AHNAK: variants seen among roughly 807,000 people sequenced by gnomAD.
AHNAK encodes AHNAK nucleoprotein.
AHNAK carries 23 observed loss-of-function variants against 37.8 expected under a neutral mutation model. The ratio of observed to expected loss-of-function variants is 0.61; its 90% CI spans 0.44 to 0.86. AHNAK has a LOEUF of 0.86. Among genes scored for constraint, AHNAK ranks in the 40% least tolerant of loss-of-function variants. AHNAK has a pLI of 0.00. For missense variants in AHNAK, 7,411 were observed against 7,319.4 expected (o/e 1.01, Z -0.46); for synonymous variants, 2,481 against 2,636.3 (o/e 0.94, Z 1.80).
intron 4 of AHNAK, among the ~76,000 whole-genome samples, chr11:62,498,242 G>A (rs1939648079): frequency 6.6e-6 from 1 of 152,118 alleles, no homozygotes; most frequent in Non-Finnish European, 1.5e-5. Context: ...TTAACATACA[G>A]ACTTGTCCAA....
rs147401497 is a variant in AHNAK, at chr11:62,530,103, T to G, written c.4314A>C (p.Lys1438Asn). 6.8e-4 allele frequency: 1,092 copies of G among 1,613,944 alleles called. 1 individual carries two copies. The highest frequency in any genetic ancestry group is 9.0e-4 in the Non-Finnish European group (1,058 of 1,179,984). Reference protein sequence around the residue: ...EGPDAKLKGPKFKMPEMSIKP... With the variant: ...EGPDAKLKGPNFKMPEMSIKP... ...TTATACTCATTTCTGGCATCTTGAA[T>G]TTGGGACCTTTTAGTTTTGCGTCTG... is the stretch of plus-strand genomic sequence containing the variant. The change falls in exon 5 of 5, where the codon AAA becomes AAC. Residue 1438 changes from lysine to asparagine, a missense_variant. Coordinates refer to ENST00000378024, the MANE Select transcript of AHNAK (RefSeq NM_001620.3).
rs114794940 is a variant in AHNAK, at chr11:62,453,009, C to A, written c.443-19118G>T. On this transcript the variant is annotated intron_variant, in intron 5 of 5. Transcript: ENST00000257247. ...CACTGCACTCCAGTGGGCAACAGAG[C>A]GAGACTCTGTTTCAACAAAAAAGGT... Among the ~76,000 whole-genome samples the A allele has an allele frequency of 3.6e-3, 547 of 152,054 alleles. 4 individuals are homozygous for A. The highest frequency in any genetic ancestry group is 0.012 in the African/African-American group (518 of 41,480).
rs145898432 is a variant in AHNAK at position 62,521,249 on chromosome 11, T to C, written c.13168A>G (p.Ile4390Val). 3 of 1,613,440 alleles carry C rather than the reference T, an allele frequency of 1.9e-6. No individual in the cohort carries two copies. Among genetic ancestry groups the C allele is most frequent in the Non-Finnish European group, 2.5e-6 (3 of 1,179,842 alleles). The change falls in exon 5 of 5, where the codon ATT (isoleucine) becomes GTT (valine). Residue 4390 changes from isoleucine to valine, a missense_variant. By Grantham distance (29) the Ile-to-Val change is conservative. Coordinates refer to ENST00000378024, the MANE Select transcript of AHNAK (RefSeq NM_001620.3). Reference protein sequence around the residue: ...IKAPKISMPDIDFNLKGPKVK... With the variant: ...IKAPKISMPDVDFNLKGPKVK... ...TTGGGACCCTTCAAGTTAAAGTCAA[T>C]GTCAGGCATGGAGATTTTGGGGGCC... is the stretch of plus-strand genomic sequence containing the variant.
At position 62,525,472 on chromosome 11, in the gene AHNAK, T is replaced by C; in HGVS notation, c.8945A>G (p.Asp2982Gly). Residue 2982 changes from aspartate to glycine, a missense_variant, in exon 5 of 5, where the codon GAT becomes GGT. Physicochemically the swap from Asp to Gly is moderately conservative, Grantham distance 94. Coordinates refer to ENST00000378024, the MANE Select transcript of AHNAK (RefSeq NM_001620.3). ...LKGPKVKGDVDISLPKVEGDL... is the reference protein window; with the variant it reads ...LKGPKVKGDVGISLPKVEGDL... ...ACCTTCCACTTTGGGCAGAGAAATA[T>C]CCACATCGCCCTTCACCTTGGGACC... 1 of 1,613,572 alleles carries C rather than the reference T, an allele frequency of 6.2e-7. No individual in the cohort carries two copies. Among genetic ancestry groups the C allele is most frequent in the Non-Finnish European group, 8.5e-7 (1 of 1,179,948 alleles).
rs1242582200 is a variant in AHNAK at position 62,531,680 on chromosome 11, C to T, written c.2737G>A (p.Val913Met). ...KADVDISGPK[V>M]GVEVPDVNIE... ...TTCACATCTGGAACTTCAACACCCA[C>T]CTTGGGTCCTGAGATGTCCACATCA... The change falls in exon 5 of 5, where the codon GTG becomes ATG. Residue 913 changes from valine to methionine, a missense_variant. Coordinates refer to ENST00000378024, the MANE Select transcript of AHNAK (RefSeq NM_001620.3). 1.2e-6 allele frequency: 2 copies of T among 1,614,140 alleles called. No individual in the cohort carries two copies. The highest frequency in any genetic ancestry group is 1.1e-5 in the South Asian group (1 of 91,086).
In AHNAK at chr11:62,524,779, T is replaced by C; in HGVS notation, c.9638A>G (p.Asn3213Ser). Reference sequence around the variant, plus strand: ...CATTGATATTTTAGGAGCTTTGATGTTCATCTCTGGCATCTTGAATTTAGG... The same window carrying C: ...CATTGATATTTTAGGAGCTTTGATGCTCATCTCTGGCATCTTGAATTTAGG... ...KGPKFKMPEM[N>S]IKAPKISMPD... The change falls in exon 5 of 5, where the codon AAC becomes AGC. Residue 3213 changes from asparagine to serine, a missense_variant. Physicochemically the swap from Asn to Ser is conservative, Grantham distance 46. Coordinates refer to ENST00000378024, the MANE Select transcript of AHNAK (RefSeq NM_001620.3). The C allele has an allele frequency of 6.2e-7, 1 of 1,614,178 alleles. No individual in the cohort carries two copies. Among genetic ancestry groups the C allele is most frequent in the Non-Finnish European group, 8.5e-7 (1 of 1,180,018 alleles).
chr11:62,541,920 G>GA (rs1432969792), intron 1 of AHNAK: 1 of 152,110 alleles, frequency 6.6e-6, no homozygotes, highest in East Asian at 1.9e-4. Context: ...GCTTGTTTAG[G>GA]AAAAAACATT....
chr11:62,491,669 G>A (rs1406876094), intron 5 of AHNAK: 5 of 1,475,232 alleles, frequency 3.4e-6, no homozygotes, highest in South Asian at 1.2e-5. Context: ...GCCCATCTGT[G>A]ATAAAGGGTA....
At position 62,516,891 on chromosome 11, in the gene AHNAK, A is replaced by G; in HGVS notation, c.17526T>C (p.Asp5842=). The change falls in exon 5 of 5, where the codon GAT becomes GAC. Residue 5842 remains aspartate (D), a synonymous_variant. Transcript: ENST00000378024. ...TCCCCTGTAACTTGCCTGTCTCATC[A>G]TCGCTCCCAGTCACCTCATAATGAC... ...SKGHYEVTGS[D]DETGKLQGSG... 6.2e-7 allele frequency: 1 copy of G among 1,614,128 alleles called. No homozygotes were observed. Among genetic ancestry groups the G allele is most frequent in the Non-Finnish European group, 8.5e-7 (1 of 1,180,012 alleles).
At position 62,478,164 on chromosome 11, in the gene AHNAK, ACCACC is replaced by A. The variant is rs1590615189; in HGVS notation, c.442+13563_442+13567del. On this transcript the variant is annotated intron_variant, in intron 5 of 5. Transcript: ENST00000257247. ...AGGTGGTTTCTTAGAATGGCCTCTC[ACCACC>A]ACCCGCAGCCTCACCCAGCAGATCT... is the stretch of plus-strand genomic sequence containing the variant. Among the ~76,000 whole-genome samples, 6 of 152,188 alleles carry A rather than the reference ACCACC, an allele frequency of 3.9e-5. No homozygotes were observed. In the East Asian group the frequency reaches 1.2e-3, roughly 29 times the overall value.
chr11:62,534,027 C>A lies in AHNAK; in HGVS notation c.390G>T (p.Lys130Asn), dbSNP rs1461162714. ...EYQRIYTTKIKPRLKSEDGVE... is the reference protein window; with the variant it reads ...EYQRIYTTKINPRLKSEDGVE... Reference sequence around the variant, plus strand: ...CTCCATCTTCCGACTTCAGCCGTGGCTTGATCTTCGTGGTGTAGATGCGCT... The same window carrying A: ...CTCCATCTTCCGACTTCAGCCGTGGATTGATCTTCGTGGTGTAGATGCGCT... The change falls in exon 5 of 5, where the codon AAG becomes AAT. Residue 130 changes from lysine (K) to asparagine (N), a missense_variant. Coordinates refer to ENST00000378024, the MANE Select transcript of AHNAK (RefSeq NM_001620.3). 3 of 1,578,580 alleles carry A rather than the reference C, an allele frequency of 1.9e-6. No homozygotes were observed. The highest frequency in any genetic ancestry group is 1.3e-5 in the African/African-American group (1 of 74,328).
intron 4 of AHNAK, among the ~76,000 whole-genome samples, chr11:62,506,036 A>G (rs77010925): frequency 1.1e-3 from 85 of 76,606 alleles, no homozygotes; most frequent in South Asian, 1.5e-3. Flanking sequence ...AAAAAAAAAA[A>G]GGCGGGGGTG....
In AHNAK at chr11:62,528,029, T is replaced by C; in HGVS notation, c.6388A>G (p.Lys2130Glu). The change falls in exon 5 of 5, where the codon AAA becomes GAA. Residue 2130 changes from lysine (K) to glutamate (E), a missense_variant. Physicochemically the swap from Lys to Glu is moderately conservative, Grantham distance 56 (BLOSUM62 1). Coordinates refer to ENST00000378024, the MANE Select transcript of AHNAK (RefSeq NM_001620.3). ...PDVDLHLKGP[K>E]VKGDVDVSLP... ...GACACATCCACATCCCCTTTGACTTTGGGGCCTTTCAAGTGTAAGTCCACA... is the reference window on the plus strand; with the variant it reads ...GACACATCCACATCCCCTTTGACTTCGGGGCCTTTCAAGTGTAAGTCCACA... 3 of 1,614,076 alleles carry C rather than the reference T, an allele frequency of 1.9e-6. No homozygotes were observed. Among genetic ancestry groups the C allele is most frequent in the Non-Finnish European group, 2.5e-6 (3 of 1,180,022 alleles).
intron 4 of AHNAK, 89 bp downstream of exon 4, chr11:62,534,914 C>T (rs1371371845): frequency 6.4e-6 from 9 of 1,406,128 alleles, no homozygotes; most frequent in Non-Finnish European, 8.8e-6. Context: ...AGAGAGGGTC[C>T]GGAGGCACAT....
At position 62,437,479 on chromosome 11, in the gene AHNAK, TGA is replaced by T. The variant is rs1301738371; in HGVS notation, c.443-3590_443-3589del. 4.0e-5 allele frequency among the ~76,000 whole-genome samples: 6 copies of T among 151,568 alleles called. No homozygotes were observed. In the South Asian group the frequency reaches 1.3e-3, roughly 32 times the overall value. ...AAGTGATTCTCCTGCCTCAGCCTCC[TGA>T]GTACCTAGGATTACAGGCACTCATC... On this transcript the variant is annotated intron_variant, in intron 5 of 5. Transcript: ENST00000257247.
intron 2 of AHNAK, 144 bp from the exon 3 acceptor site, chr11:62,536,242 C>T: frequency 1.2e-6 from 1 of 808,294 alleles, no homozygotes; most frequent in Non-Finnish European, 1.8e-6. Context: ...GGCTCACCTG[C>T]CAGGTGAGGT....
chr11:62,504,860 G>T (rs558219397), intron 4 of AHNAK, among the ~76,000 whole-genome samples: 26 of 152,292 alleles, frequency 1.7e-4, no homozygotes, highest in African/African-American at 5.8e-4. Flanking sequence ...TGTGAGGATG[G>T]GCTAAAAGGC....
chr11:62,544,940 G>C (rs1423257581), intron 1 of AHNAK, among the ~76,000 whole-genome samples: 1 of 152,132 alleles, frequency 6.6e-6, no homozygotes, highest in Non-Finnish European at 1.5e-5. Flanking sequence ...GTGCTGGGAC[G>C]GGCAAGCAGA....
chr11:62,458,340 A>G (rs1346719067), intron 5 of AHNAK, among the ~76,000 whole-genome samples: 1 of 152,098 alleles, frequency 6.6e-6, no homozygotes. Flanking sequence ...TCAGAAGGTC[A>G]GAGCTTCAGT....
Sources: gnomAD v4.1 joint callset for allele counts (sites outside exome capture counted in the v4.1 genomes callset) on GRCh38, gnomAD v4.1.1 for gene constraint, MANE v1.5 for transcripts, NCBI Gene and HGNC (gene_info 2026-07-23, HGNC 2026-07-21) for gene names.